Variants in FH observed in about 807,000 individuals in gnomAD.
The protein encoded by FH is fumarate hydratase, mitochondrial.
In FH, 22 loss-of-function variants were observed where a neutral mutation model predicts 49.4. The observed-to-expected ratio is 0.45, with a 90% CI of 0.32 to 0.64. The LOEUF (loss-of-function observed/expected upper bound fraction) is 0.64. Ranked by LOEUF, FH falls within the 30% of genes least tolerant of loss-of-function variation. The probability of loss-of-function intolerance (pLI) is 0.05; values close to 1 mark genes in which losing one functional copy is unlikely to be tolerated. For synonymous variants in FH, 208 were observed against 223.0 expected (o/e 0.93, Z 0.60); for missense variants, 526 against 641.5 (o/e 0.82, Z 1.95).
At chr1:241,507,415 T>C (rs1052639331) in intron 5 of FH, among the ~76,000 whole-genome samples, 43 of 152,122 alleles carry the variant, frequency 2.8e-4, no homozygotes, top group Non-Finnish European at 3.7e-4. Context: ...AAGCAACACA[T>C]GACTGTATGT....
At chr1:241,518,484 TGTATATCGTAGGTATAGTG>T (rs1368237655) in intron 1 of FH, among the ~76,000 whole-genome samples, 7 of 152,196 alleles carry the variant, frequency 4.6e-5, no homozygotes, top group Admixed American at 2.0e-4. Context: ...GTAGTATAGT[TGTATATCGTAGGTATAGTG>T]ACCCAATCAA....
In FH at chr1:241,517,301, A is replaced by G. The variant is rs1558402284; in HGVS notation, c.148T>C (p.Phe50Leu). ...CCAAAGGTATCATATTCTATCCGGA[A>G]GGAATTTTGGCTTGCCTAAAGACAA... ...NAARMASQNSFRIEYDTFGEL... is the reference protein window; with the variant it reads ...NAARMASQNSLRIEYDTFGEL... Residue 50 changes from phenylalanine (F) to leucine (L), a missense_variant, in exon 2 of 10, where the codon TTC becomes CTC. By Grantham distance (22) the Phe-to-Leu change is conservative (BLOSUM62 0). This residue lies in a region of FH where 143 missense variants were observed against 127.5 expected (regional missense o/e 1.12). Coordinates refer to ENST00000366560, the MANE Select transcript of FH (RefSeq NM_000143.4). The G allele has an allele frequency of 2.5e-6, 4 of 1,614,160 alleles. No individual in the cohort carries two copies. The highest frequency in any genetic ancestry group is 3.4e-6 in the Non-Finnish European group (4 of 1,180,040).
chr1:241,511,827 C>T, intron 4 of FH, 140 bp downstream of exon 4: 1 of 804,764 alleles, frequency 1.2e-6, no homozygotes, highest in South Asian at 1.6e-5. Flanking sequence ...AAGATTCCTT[C>T]AAGAAATAAG....
chr1:241,505,851 A>G (rs1457931746), intron 6 of FH, 152 bp downstream of exon 6: 1 of 753,570 alleles, frequency 1.3e-6, no homozygotes, highest in Non-Finnish European at 2.2e-6. Context: ...TTAACATTAT[A>G]ACTTCAGAAA....
intron 4 of FH, among the ~76,000 whole-genome samples, chr1:241,511,426 G>A (rs191095989): frequency 2.0e-5 from 3 of 152,240 alleles, no homozygotes; most frequent in South Asian, 2.1e-4. Flanking sequence ...TGAGACAATC[G>A]CAAAAGACCA....
At chr1:241,502,859 C>T (rs895681821) in intron 7 of FH, among the ~76,000 whole-genome samples, 19 of 152,162 alleles carry the variant, frequency 1.2e-4, no homozygotes, top group African/African-American at 4.3e-4. Flanking sequence ...CAATATACAA[C>T]ACTGAATAAG....
At position 241,502,588 on chromosome 1, in the gene FH, A is replaced by G; in HGVS notation, c.1109-18T>C. 1 of 1,613,840 alleles carries G rather than the reference A, an allele frequency of 6.2e-7. No individual in the cohort carries two copies. The highest frequency in any genetic ancestry group is 8.5e-7 in the Non-Finnish European group (1 of 1,179,714). On this transcript the variant is annotated intron_variant, in intron 7 of 9. Transcript: ENST00000366560. ...CACCTTGCCTTCAAGAAAACCACCA[A>G]TGACAGAGTAAAGACTAAATTTATG...
In FH at chr1:241,517,184, G is replaced by A. The variant is rs1489304373; in HGVS notation, c.265C>T (p.Pro89Ser). 1.9e-6 allele frequency: 3 copies of A among 1,614,030 alleles called. No homozygotes were observed. The African/African-American group carries it at 4.0e-5, about 22-fold the overall frequency. ...ACATTTCCACAAATGCCACTTACTG[G>A]CATGCGTTCTGTCACACCTCCAATC... is the stretch of plus-strand genomic sequence containing the variant. ...FKIGGVTERMPTPVIKAFGIL... is the reference protein window; with the variant it reads ...FKIGGVTERMSTPVIKAFGIL... The change falls in exon 2 of 10, where the codon CCA becomes TCA. Residue 89 changes from proline (P) to serine (S), a missense_variant and splice_region_variant. Physicochemically the swap from Pro to Ser is moderately conservative, Grantham distance 74. Transcript: ENST00000366560.
rs1424868653 is a variant in FH at position 241,508,729 on chromosome 1, A to T, written c.612T>A (p.His204Gln). ...TCTGTAGTCCTGGTAACAGTACTTCATGAACTTCTATTGCAGCAGCAATGT... is the reference window on the plus strand; with the variant it reads ...TCTGTAGTCCTGGTAACAGTACTTCTTGAACTTCTATTGCAGCAGCAATGT... ...AMHIAAAIEV[H>Q]EVLLPGLQKL... The change falls in exon 5 of 10, where the codon CAT becomes CAA. Residue 204 changes from histidine (H) to glutamine (Q), a missense_variant. This residue lies in a region of FH where 383 missense variants were observed against 514.0 expected (regional missense o/e 0.75). Coordinates refer to ENST00000366560, the MANE Select transcript of FH (RefSeq NM_000143.4). The T allele has an allele frequency of 6.2e-7, 1 of 1,613,960 alleles. No individual in the cohort carries two copies. Among genetic ancestry groups the T allele is most frequent in the Non-Finnish European group, 8.5e-7 (1 of 1,179,840 alleles).
At chr1:241,501,691 T>C (rs1659784153) in intron 8 of FH, among the ~76,000 whole-genome samples, 1 of 152,194 alleles carries the variant, frequency 6.6e-6, no homozygotes, top group African/African-American at 2.4e-5. Context: ...TTAGAAGAGA[T>C]TCCAAGAGAA....
rs1244008397 is a variant in FH at position 241,497,732 on chromosome 1, A to G, written c.*96T>C. 3 of 1,142,554 alleles carry G rather than the reference A, an allele frequency of 2.6e-6. No homozygotes were observed. Among genetic ancestry groups the G allele is most frequent in the Non-Finnish European group, 3.8e-6 (3 of 793,068 alleles). The allele number at this position is 1,142,554 out of a possible 1,614,324, so 70.8% of individuals were successfully genotyped here. On this transcript the variant is annotated 3_prime_UTR_variant, in exon 10 of 10. Coordinates refer to ENST00000366560, the MANE Select transcript of FH (RefSeq NM_000143.4). ...GCTCTGCTAGAGATGCTTAAGTTCA[A>G]TAGCAGTTTCCTTTCAAACTTATCC...
At chr1:241,498,716 T>TAC (rs1214858919) in intron 9 of FH, among the ~76,000 whole-genome samples, 2 of 91,802 alleles carry the variant, frequency 2.2e-5, no homozygotes, top group African/African-American at 8.4e-5. Flanking sequence ...TATATATATA[T>TAC]ATATATATAT....
intron 7 of FH, 142 bp downstream of exon 7, chr1:241,503,900 A>G: frequency 3.5e-6 from 3 of 863,022 alleles, no homozygotes; most frequent in Non-Finnish European, 5.7e-6. Flanking sequence ...TCCTGACCAG[A>G]GGACCACAGA....
At chr1:241,505,439 T>C (rs1358608466) in intron 6 of FH, among the ~76,000 whole-genome samples, 7 of 152,206 alleles carry the variant, frequency 4.6e-5, no homozygotes, top group African/African-American at 1.4e-4. Context: ...TAAGCTATCA[T>C]GTGCAGTGTA....
chr1:241,501,400 T>C, intron 8 of FH, among the ~76,000 whole-genome samples: 1 of 152,204 alleles, frequency 6.6e-6, no homozygotes, highest in East Asian at 1.9e-4. Context: ...AGGCATTTAT[T>C]GTTATGCACC....
intron 2 of FH, among the ~76,000 whole-genome samples, chr1:241,515,367 C>G (rs1573887329): frequency 2.6e-5 from 4 of 152,112 alleles, no homozygotes; most frequent in Admixed American, 2.6e-4. Context: ...AAAACGGCAG[C>G]CATGCTCACT....
In FH at chr1:241,509,683, T is replaced by A. The variant is rs547913314; in HGVS notation, c.556-898A>T. Among the ~76,000 whole-genome samples, 25 of 152,046 alleles carry A rather than the reference T, an allele frequency of 1.6e-4. 2 individuals are homozygous for A. In the South Asian group the frequency reaches 5.2e-3, roughly 32 times the overall value. ...CCCACTTGCTCAGGAAGCTAAGGCA[T>A]GAGGATCCCTGGAGCTCAGCATTTC... On this transcript the variant is annotated intron_variant, in intron 4 of 9. Coordinates refer to ENST00000366560, the MANE Select transcript of FH (RefSeq NM_000143.4).
intron 1 of FH, among the ~76,000 whole-genome samples, chr1:241,518,342 A>G (rs1660273588): frequency 6.6e-6 from 1 of 152,266 alleles, no homozygotes. Flanking sequence ...TAGATTCAGA[A>G]GTTCTCCAGT....
At chr1:241,519,057 C>T (rs576141558) in intron 1 of FH, 1 of 153,034 alleles carries the variant, frequency 6.5e-6, no homozygotes, top group South Asian at 2.0e-4. Flanking sequence ...CCTTCTACCC[C>T]ACCTGGAGGG....
Sources: gnomAD v4.1 joint callset for allele counts (sites outside exome capture counted in the v4.1 genomes callset) on GRCh38, gnomAD v4.1.1 for gene constraint, gnomAD v4.1.1 regional missense constraint, MANE v1.5 for transcripts, NCBI Gene and HGNC (gene_info 2026-07-23, HGNC 2026-07-21) for gene names.